The following MYO16 variants were observed in gnomAD, a reference collection of about 807,000 sequenced individuals.
MYO16 encodes the protein myosin XVI, also known as unconventional myosin-XVI.
Under a neutral mutation model 205.3 loss-of-function variants are expected in MYO16, and 94 were observed. That is an observed-to-expected ratio of 0.46 (90% CI 0.39 to 0.54). The LOEUF is 0.54. Among genes scored for constraint, MYO16 ranks in the 20% least tolerant of loss-of-function variants. MYO16 has a pLI of 0.00. For synonymous variants in MYO16, 988 were observed against 954.0 expected (o/e 1.04, Z -0.66); for missense variants, 2,315 against 2,387.5 (o/e 0.97, Z 0.63).
rs112997728 is a variant in MYO16, at chr13:108,621,838, A to G, written c.-39+25599A>G. Among the ~76,000 whole-genome samples, 71 of 152,300 alleles carry G rather than the reference A, an allele frequency of 4.7e-4. 1 individual carries two copies. The highest frequency in any genetic ancestry group is 1.6e-3 in the African/African-American group (65 of 41,568). On this transcript the variant is annotated intron_variant, in intron 1 of 24. Coordinates refer to the MYO16 transcript ENST00000251041. ...AGAGAGAGACAATGAGAGACAGCAC[A>G]TTCACCTAACTTTTATTATAGTATT...
At chr13:108,646,497 T>C (rs1186008888) in intron 1 of MYO16, among the ~76,000 whole-genome samples, 5 of 152,244 alleles carry the variant, frequency 3.3e-5, no homozygotes, top group Non-Finnish European at 5.9e-5. Context: ...GATTAAGCAA[T>C]TTATGTCATT....
At position 109,008,893 on chromosome 13, in the gene MYO16, A is replaced by G; in HGVS notation, c.2443-4A>G. The G allele has an allele frequency of 6.2e-7, 1 of 1,612,162 alleles. No individual in the cohort carries two copies. Among genetic ancestry groups the G allele is most frequent in the Non-Finnish European group, 8.5e-7 (1 of 1,179,286 alleles). Reference sequence around the variant, plus strand: ...GAAATGTTTTCTTGTTTTCTCCACAACAGCTTTGTGTCAACATGACCAATG... The same window carrying G: ...GAAATGTTTTCTTGTTTTCTCCACAGCAGCTTTGTGTCAACATGACCAATG... On this transcript the variant is annotated splice_polypyrimidine_tract_variant and splice_region_variant and intron_variant, in intron 21 of 34. Coordinates refer to ENST00000457511, the MANE Select transcript of MYO16 (RefSeq NM_001198950.3).
Position 108,619,573 on chromosome 13 carries a change from C to G in MYO16, c.-39+23334C>G, listed in dbSNP as rs546986932. 4.6e-5 allele frequency among the ~76,000 whole-genome samples: 7 copies of G among 152,204 alleles called. No individual in the cohort carries two copies. In the South Asian group the frequency reaches 1.5e-3, roughly 32 times the overall value. On this transcript the variant is annotated intron_variant, in intron 1 of 24. Coordinates refer to the MYO16 transcript ENST00000251041. ...TCAGCATTTTGAGAGAAAGCCCACGCAGGATGTAAATTAGCAGTAATAGGA... is the reference window on the plus strand; with the variant it reads ...TCAGCATTTTGAGAGAAAGCCCACGGAGGATGTAAATTAGCAGTAATAGGA...
intron 27 of MYO16, among the ~76,000 whole-genome samples, chr13:109,097,251 C>A (rs1388260346): frequency 6.6e-6 from 1 of 152,138 alleles, no homozygotes; most frequent in African/African-American, 2.4e-5. Flanking sequence ...ATTGTTTGAA[C>A]CCAGGAGGCA....
intron 17 of MYO16, 117 bp downstream of exon 17, chr13:108,957,916 C>T (rs1883438531): frequency 3.8e-6 from 3 of 796,540 alleles, no homozygotes; most frequent in Non-Finnish European, 6.1e-6. Flanking sequence ...GCCGAGGACA[C>T]TGATGATTCG....
At chr13:109,179,716 A>G (rs1277360656) in intron 34 of MYO16, 83 bp downstream of exon 34, 2 of 1,125,850 alleles carry the variant, frequency 1.8e-6, no homozygotes, top group Middle Eastern at 1.9e-4. Context: ...TTACCAATAG[A>G]TGCTCTGTGT....
chr13:108,864,425 T>C (rs572176801), intron 11 of MYO16, among the ~76,000 whole-genome samples: 164 of 152,322 alleles, frequency 1.1e-3, no homozygotes, highest in Non-Finnish European at 2.0e-3. Flanking sequence ...TTGGTGATTT[T>C]CTAGGTACCT....
chr13:108,636,556 T>A (rs1880262132), intron 1 of MYO16, among the ~76,000 whole-genome samples: 1 of 151,946 alleles, frequency 6.6e-6, no homozygotes, highest in Admixed American at 6.6e-5. Flanking sequence ...ATTTTTGTAT[T>A]TTTAGTAGAG....
upstream of MYO16, among the ~76,000 whole-genome samples, chr13:108,626,703 C>T (rs1879750097): frequency 6.6e-6 from 1 of 151,612 alleles, no homozygotes; most frequent in Non-Finnish European, 1.5e-5. Flanking sequence ...ACTTGGGAGG[C>T]TGAAACAGGA....
At chr13:109,067,614 G>C (rs1887794116) in intron 27 of MYO16, among the ~76,000 whole-genome samples, 2 of 152,200 alleles carry the variant, frequency 1.3e-5, no homozygotes, top group South Asian at 4.1e-4. Flanking sequence ...ACGGCACTGT[G>C]ACATCAGGTG....
chr13:108,849,137 C>G (rs991641785), intron 10 of MYO16, among the ~76,000 whole-genome samples: 4 of 152,130 alleles, frequency 2.6e-5, no homozygotes, highest in African/African-American at 9.7e-5. Context: ...TCACCCTTTC[C>G]TAATCTGGTC....
At chr13:109,130,167 A>G (rs976842010) in intron 31 of MYO16, among the ~76,000 whole-genome samples, 5 of 152,224 alleles carry the variant, frequency 3.3e-5, no homozygotes, top group Non-Finnish European at 5.9e-5. Context: ...CTATCAAAAT[A>G]CATCATGTGA....
chr13:109,011,898 C>T (rs932982958), intron 22 of MYO16, among the ~76,000 whole-genome samples: 2 of 152,016 alleles, frequency 1.3e-5, no homozygotes, highest in African/African-American at 2.4e-5. Flanking sequence ...CTTTATTAGC[C>T]AAATAAATAA....
At chr13:109,034,731 G>A (rs117476427) in intron 23 of MYO16, among the ~76,000 whole-genome samples, 2,814 of 152,234 alleles carry the variant, frequency 0.018, 38 homozygotes, top group South Asian at 0.04. Flanking sequence ...ATCCAAGGAT[G>A]ATATTTTAAT....
At chr13:108,862,948 A>G (rs1346195329) in intron 11 of MYO16, among the ~76,000 whole-genome samples, 1 of 152,182 alleles carries the variant, frequency 6.6e-6, no homozygotes, top group Admixed American at 6.5e-5. Context: ...TATTTTGAGG[A>G]CATAATAAAT....
intron 16 of MYO16, among the ~76,000 whole-genome samples, chr13:108,930,422 A>G (rs1371260765): frequency 1.3e-5 from 2 of 152,224 alleles, no homozygotes; most frequent in Admixed American, 6.5e-5. Context: ...CATAATTAAA[A>G]CAGCAGCAAA....
chr13:108,795,408 C>T (rs958136043), intron 6 of MYO16, among the ~76,000 whole-genome samples: 13 of 152,052 alleles, frequency 8.5e-5, no homozygotes, highest in Non-Finnish European at 1.3e-4. Context: ...CGGGGTTTCA[C>T]CATGTTAGCC....
chr13:109,137,299 C>G (rs1876822728), intron 31 of MYO16, among the ~76,000 whole-genome samples: 2 of 152,212 alleles, frequency 1.3e-5, no homozygotes, highest in Non-Finnish European at 2.9e-5. Context: ...ACATCATCTT[C>G]TAATCATTGT....
intron 10 of MYO16, among the ~76,000 whole-genome samples, chr13:108,848,403 A>G (rs1034707694): frequency 2.6e-5 from 4 of 152,208 alleles, no homozygotes; most frequent in Admixed American, 6.5e-5. Flanking sequence ...CACCTGCACT[A>G]TCTTAATCCT....
Sources: gnomAD v4.1 joint callset for allele counts (sites outside exome capture counted in the v4.1 genomes callset) on GRCh38, gnomAD v4.1.1 for gene constraint, MANE v1.5 for transcripts, NCBI Gene and HGNC (gene_info 2026-07-23, HGNC 2026-07-21) for gene names.